Variants in ZNF600 observed in about 807,000 individuals in gnomAD.
ZNF600 encodes zinc finger protein KR-ZNF1.
In ZNF600, 4 loss-of-function variants were observed where a neutral mutation model predicts 7.3. The observed-to-expected ratio is 0.55, with a 90% confidence interval of 0.27 to 1.25. The LOEUF (loss-of-function observed/expected upper bound fraction) is 1.25, where lower values mean the gene tolerates loss of function less well. Among genes scored for constraint, ZNF600 ranks in the 50% most tolerant of loss-of-function variants. The pLI is 0.12. For missense variants in ZNF600, 911 were observed against 922.1 expected (o/e 0.99, Z 0.16); for synonymous variants, 290 against 308.9 (o/e 0.94, Z 0.64).
chr19:52,820,862 T>G, the ZNF600 span, among the ~76,000 whole-genome samples: 1 of 152,086 alleles, frequency 6.6e-6, no homozygotes, highest in African/African-American at 2.4e-5. Flanking sequence ...TCTTTCTCAT[T>G]CTTCTTTTCT....
chr19:52,791,923 C>T, the ZNF600 span, among the ~76,000 whole-genome samples: 1,405 of 152,262 alleles, frequency 9.2e-3, 13 homozygotes, highest in Non-Finnish European at 0.014. Context: ...TGAGCTCAGC[C>T]CTCAGAAATG....
intron 3 of ZNF600, among the ~76,000 whole-genome samples, chr19:52,770,369 G>C (rs2062621354): frequency 6.6e-6 from 1 of 152,158 alleles, no homozygotes; most frequent in African/African-American, 2.4e-5. Context: ...TTGAACCCAG[G>C]AGGCAAAGGT....
chr19:52,786,643 C>T (rs970958998), exon 1 of ZNF600: 6 of 208,770 alleles, frequency 2.9e-5, no homozygotes, highest in Admixed American at 2.6e-4. Flanking sequence ...GCGAGAATTT[C>T]CAGGTCCGTG....
At chr19:52,767,627 A>G (rs371662975) in exon 4 of ZNF600, 110 of 1,613,858 alleles carry the variant, frequency 6.8e-5, no homozygotes, top group South Asian at 5.7e-4. Flanking sequence ...GAAACTCAAT[A>G]TCATGAATTT....
the ZNF600 span, among the ~76,000 whole-genome samples, chr19:52,814,826 A>G: frequency 0.065 from 9,436 of 146,106 alleles, 1,405 homozygotes; most frequent in African/African-American, 0.14. Context: ...GGCAGAGGCT[A>G]CAGTGAGCCA....
the ZNF600 span, among the ~76,000 whole-genome samples, chr19:52,796,598 C>G: frequency 6.6e-6 from 1 of 152,176 alleles, no homozygotes; most frequent in South Asian, 2.1e-4. Context: ...TCCACAGAAG[C>G]TGAACCAGCA....
At chr19:52,832,581 C>A in the ZNF600 span, among the ~76,000 whole-genome samples, 364 of 152,042 alleles carry the variant, frequency 2.4e-3, 5 homozygotes, top group African/African-American at 8.3e-3. Context: ...GGCAATAGAG[C>A]GAGACTCCAT....
rs2062713384 is a variant in ZNF600, at chr19:52,780,684, T to C, written c.-19-1777A>G. On this transcript the variant is annotated intron_variant, in intron 1 of 3. The change abolishes an upstream ATG in the 5' untranslated region. Coordinates refer to ENST00000648973, the Ensembl canonical transcript of ZNF600. ...CAGAGGTTGCAGTGAGCTGATATCA[T>C]GGCATTGCACTCCAGCCTCAGCCAC... The C allele has an allele frequency of 6.6e-6, 1 of 152,162 alleles. No homozygotes were observed. The allele number at this position is 152,162 out of a possible 1,614,324, so 9.4% of individuals were successfully genotyped here. A position where few individuals can be genotyped will look rare whatever the true frequency, so the allele number is the denominator to read the frequency against.
chr19:52,832,669 G>A, the ZNF600 span, among the ~76,000 whole-genome samples: 9 of 152,154 alleles, frequency 5.9e-5, no homozygotes, highest in African/African-American at 1.7e-4. Context: ...TTGGGAGGCT[G>A]AAGTGGGGAT....
At chr19:52,800,371 C>G in the ZNF600 span, 1 of 1,614,084 alleles carries the variant, frequency 6.2e-7, no homozygotes, top group Non-Finnish European at 8.5e-7. Context: ...TATGGTTTCT[C>G]TCCAGTATGA....
upstream of ZNF600, among the ~76,000 whole-genome samples, chr19:52,787,046 A>G (rs375721039): frequency 4.6e-5 from 7 of 152,294 alleles, no homozygotes; most frequent in East Asian, 1.9e-4. Context: ...AAGCCCTGCC[A>G]GGGCGGAACA....
the ZNF600 span, among the ~76,000 whole-genome samples, chr19:52,820,117 T>A: frequency 9.1e-6 from 1 of 109,794 alleles, no homozygotes; most frequent in Non-Finnish European, 1.8e-5. Flanking sequence ...TCTTTTTTTT[T>A]TTTTTTTTTT....
the ZNF600 span, chr19:52,800,875 C>T: frequency 1.2e-6 from 2 of 1,613,958 alleles, no homozygotes; most frequent in Admixed American, 3.3e-5. Flanking sequence ...TATGGTTTCC[C>T]TCCAGTATAA....
chr19:52,794,068 C>G, the ZNF600 span, among the ~76,000 whole-genome samples: 2 of 151,808 alleles, frequency 1.3e-5, no homozygotes, highest in Admixed American at 6.6e-5. Flanking sequence ...GATGTCCCAG[C>G]AGAGAGCTGA....
At chr19:52,799,012 AC>A in the ZNF600 span, 2 of 788,862 alleles carry the variant, frequency 2.5e-6, no homozygotes, top group South Asian at 1.7e-5. Flanking sequence ...TACAAACCTT[AC>A]ATTTGTATGT....
rs36049255 is a variant in ZNF600, at chr19:52,768,154, T to TA, written c.191-383dup. ...AACCATATTTACTGTGTACAAATGC[T>TA]AAAAAAAAAACAAAGAAACCCACAC... is the stretch of plus-strand genomic sequence containing the variant. On this transcript the variant is annotated intron_variant, in intron 3 of 3. Transcript: ENST00000648973. Among the ~76,000 whole-genome samples, 509 of 145,814 alleles carry TA rather than the reference T, an allele frequency of 3.5e-3. 1 individual carries two copies. The highest frequency in any genetic ancestry group is 0.01 in the African/African-American group (406 of 39,926).
the ZNF600 span, among the ~76,000 whole-genome samples, chr19:52,814,581 C>A: frequency 7.0e-6 from 1 of 142,896 alleles, no homozygotes; most frequent in African/African-American, 2.8e-5. Context: ...ACAACCGAGA[C>A]TTTGTCTCAA....
chr19:52,787,465 G>A (rs2062774639), upstream of ZNF600, among the ~76,000 whole-genome samples: 1 of 141,868 alleles, frequency 7.0e-6, no homozygotes, highest in African/African-American at 2.6e-5. Flanking sequence ...GGAGTGCAGT[G>A]GCACGATTTT....
rs1322985492 is a variant in ZNF600, at chr19:52,767,458, T to C, written c.505A>G (p.Ile169Val). ...CCAATTTTACCTTTGATCTGAATTATGTGGAGTTCAGGCAGATGTGAATAA... is the reference window on the plus strand; with the variant it reads ...CCAATTTTACCTTTGATCTGAATTACGTGGAGTTCAGGCAGATGTGAATAA... Residue 169 changes from isoleucine to valine, a missense_variant, in exon 4 of 4, where the codon ATA becomes GTA. Ile to Val is a conservative substitution (Grantham distance 29, BLOSUM62 3). Coordinates refer to ENST00000648973, the Ensembl canonical transcript of ZNF600. The C allele has an allele frequency of 2.5e-6, 4 of 1,614,202 alleles. No individual in the cohort carries two copies. The Admixed American group carries it at 5.0e-5, about 20-fold the overall frequency.
Sources: gnomAD v4.1 joint callset for allele counts (sites outside exome capture counted in the v4.1 genomes callset) on GRCh38, gnomAD v4.1.1 for gene constraint, MANE v1.5 for transcripts, NCBI Gene and HGNC (gene_info 2026-07-23, HGNC 2026-07-21) for gene names.